ST6GALNAC3: variants seen among roughly 807,000 people sequenced by gnomAD.
ST6GALNAC3 encodes the protein alpha-N-acetylgalactosaminide alpha-2,6-sialyltransferase 3.
In ST6GALNAC3, 25 loss-of-function variants were observed where a neutral mutation model predicts 32.7. The observed-to-expected ratio is 0.76, with a 90% CI of 0.56 to 1.07. The LOEUF (loss-of-function observed/expected upper bound fraction) is 1.07. Among genes scored for constraint, ST6GALNAC3 ranks in the 50% least tolerant of loss-of-function variants. The probability of loss-of-function intolerance (pLI) is 0.00; values close to 1 mark genes in which losing one functional copy is unlikely to be tolerated. For missense variants in ST6GALNAC3, 355 were observed against 382.4 expected, an observed-to-expected ratio of 0.93 and a Z score of 0.60; for synonymous variants, 129 against 133.1, an observed-to-expected ratio of 0.97 and a Z score of 0.21.
chr1:76,354,801 C>T (rs774897533), intron 2 of ST6GALNAC3, among the ~76,000 whole-genome samples: 43 of 152,152 alleles, frequency 2.8e-4, no homozygotes, highest in Non-Finnish European at 5.6e-4. Flanking sequence ...CGTTTATCTA[C>T]ATTCAGCTGT....
intron 3 of ST6GALNAC3, among the ~76,000 whole-genome samples, chr1:76,603,351 G>T (rs919634808): frequency 6.6e-6 from 1 of 152,160 alleles, no homozygotes; most frequent in South Asian, 2.1e-4. Flanking sequence ...TAAATAAATT[G>T]TTATGAATGC....
chr1:76,148,098 T>C (rs1168381394), intron 1 of ST6GALNAC3, among the ~76,000 whole-genome samples: 1 of 152,172 alleles, frequency 6.6e-6, no homozygotes, highest in Admixed American at 6.5e-5. Flanking sequence ...TTATAATTAA[T>C]AGAACAAACC....
chr1:76,506,387 T>C (rs987278816), intron 3 of ST6GALNAC3, among the ~76,000 whole-genome samples: 1 of 152,226 alleles, frequency 6.6e-6, no homozygotes, highest in Non-Finnish European at 1.5e-5. Flanking sequence ...TGGTCACTTT[T>C]TTCTTTCAGT....
intron 3 of ST6GALNAC3, among the ~76,000 whole-genome samples, chr1:76,450,003 T>A (rs577963344): frequency 6.6e-5 from 10 of 152,176 alleles, no homozygotes; most frequent in Non-Finnish European, 1.3e-4. Flanking sequence ...AGGTTCCATA[T>A]TTTTGCAATT....
chr1:76,421,673 G>T (rs971813971), intron 3 of ST6GALNAC3, among the ~76,000 whole-genome samples: 1 of 151,936 alleles, frequency 6.6e-6, no homozygotes, highest in Non-Finnish European at 1.5e-5. Flanking sequence ...TGGTAACAAA[G>T]AAAATAAATT....
chr1:76,264,187 G>A (rs995997275), intron 1 of ST6GALNAC3, among the ~76,000 whole-genome samples: 4 of 152,068 alleles, frequency 2.6e-5, no homozygotes, highest in Non-Finnish European at 1.5e-5. Context: ...CTATTACTTA[G>A]AGCAAGCAGG....
chr1:76,293,407 A>G (rs60676816), intron 1 of ST6GALNAC3, among the ~76,000 whole-genome samples: 8,250 of 152,216 alleles, frequency 0.054, 743 homozygotes, highest in African/African-American at 0.19. Context: ...CTTTAGCCCC[A>G]TACAAATTCT....
At chr1:76,615,907 CTGAGAGA>C (rs1302300829) in intron 3 of ST6GALNAC3, among the ~76,000 whole-genome samples, 4 of 147,262 alleles carry the variant, frequency 2.7e-5, no homozygotes, top group Non-Finnish European at 5.9e-5. Flanking sequence ...TTTCTTCCCT[CTGAGAGA>C]GATGGCCCTT....
chr1:76,392,263 G>C (rs1470150705), intron 2 of ST6GALNAC3, among the ~76,000 whole-genome samples: 3 of 152,138 alleles, frequency 2.0e-5, no homozygotes, highest in Non-Finnish European at 4.4e-5. Flanking sequence ...ATTAAGTAGA[G>C]AAATTTTTTT....
At chr1:76,441,587 C>A (rs770351416) in intron 3 of ST6GALNAC3, among the ~76,000 whole-genome samples, 3 of 152,092 alleles carry the variant, frequency 2.0e-5, no homozygotes, top group Non-Finnish European at 4.4e-5. Context: ...AATAGGGTAT[C>A]CATCCCCTCA....
intron 3 of ST6GALNAC3, among the ~76,000 whole-genome samples, chr1:76,574,492 A>T (rs1436219586): frequency 6.6e-6 from 1 of 150,460 alleles, no homozygotes; most frequent in African/African-American, 2.5e-5. Flanking sequence ...AGTAATTATC[A>T]GCCTCTTTTT....
At chr1:76,225,129 C>A (rs1026781604) in intron 1 of ST6GALNAC3, among the ~76,000 whole-genome samples, 6 of 151,940 alleles carry the variant, frequency 3.9e-5, no homozygotes, top group African/African-American at 1.2e-4. Context: ...TGCTAATCTA[C>A]AAGGCAAAGC....
chr1:76,627,400 G>A (rs949583870), intron 3 of ST6GALNAC3, 52 bp from the exon 4 acceptor site: 1 of 1,156,880 alleles, frequency 8.6e-7, no homozygotes, highest in Non-Finnish European at 1.3e-6. Flanking sequence ...TGTTCTGTGT[G>A]TGTGTTCTGT....
At chr1:76,245,776 C>G (rs1657223678) in intron 1 of ST6GALNAC3, among the ~76,000 whole-genome samples, 2 of 151,974 alleles carry the variant, frequency 1.3e-5, no homozygotes, top group South Asian at 4.1e-4. Context: ...GTTGGAGAGA[C>G]TGTTATGATT....
intron 1 of ST6GALNAC3, among the ~76,000 whole-genome samples, chr1:76,105,166 C>T (rs1434731196): frequency 6.6e-6 from 1 of 152,026 alleles, no homozygotes. Flanking sequence ...GGGAATAGTC[C>T]AAATATTCCC....
chr1:76,369,424 G>C (rs1650642023), intron 2 of ST6GALNAC3, among the ~76,000 whole-genome samples: 1 of 152,152 alleles, frequency 6.6e-6, no homozygotes, highest in Admixed American at 6.6e-5. Flanking sequence ...CCATCTGTAA[G>C]TGATTTACCA....
intron 2 of ST6GALNAC3, among the ~76,000 whole-genome samples, chr1:76,347,511 T>TAC (rs1006888418): frequency 1.3e-5 from 2 of 151,998 alleles, no homozygotes; most frequent in Non-Finnish European, 2.9e-5. Flanking sequence ...TATATATATA[T>TAC]ACCAAAATAC....
intron 3 of ST6GALNAC3, among the ~76,000 whole-genome samples, chr1:76,602,666 G>A (rs1473752213): frequency 6.6e-6 from 1 of 151,778 alleles, no homozygotes; most frequent in Non-Finnish European, 1.5e-5. Context: ...GAGAAAAGAT[G>A]GATGCATTTG....
rs767176906 is a variant in ST6GALNAC3 at position 76,313,890 on chromosome 1, T to C, written c.104T>C (p.Leu35Ser). ...CTTGTAAATGAAGTGAATTTCCCAT[T>C]GCTACTAAACTGCTTTGGACAACCT... is the stretch of plus-strand genomic sequence containing the variant. ...VRLVNEVNFP[L>S]LLNCFGQPGT... Residue 35 changes from leucine (L) to serine (S), a missense_variant, in exon 2 of 5, where the codon TTG becomes TCG. Transcript: ENST00000328299. 2 of 1,613,746 alleles carry C rather than the reference T, an allele frequency of 1.2e-6. No homozygotes were observed. Among genetic ancestry groups the C allele is most frequent in the Non-Finnish European group, 1.7e-6 (2 of 1,179,762 alleles).
Sources: gnomAD v4.1 joint callset for allele counts (sites outside exome capture counted in the v4.1 genomes callset) on GRCh38, gnomAD v4.1.1 for gene constraint, MANE v1.5 for transcripts, NCBI Gene and HGNC (gene_info 2026-07-23, HGNC 2026-07-21) for gene names.